Variants in PDE12 observed in about 807,000 individuals in gnomAD.
PDE12 encodes the protein 2',5'-phosphodiesterase 12.
In PDE12, 26 loss-of-function variants were observed where a neutral mutation model predicts 45.4. The ratio of observed to expected loss-of-function variants is 0.57; its 90% confidence interval spans 0.42 to 0.79. PDE12 has a LOEUF of 0.79. Ranked by LOEUF, PDE12 falls within the 30% of genes least tolerant of loss-of-function variation. The pLI, the probability that PDE12 is intolerant of heterozygous loss-of-function variation, is 0.00. For missense variants in PDE12, 668 were observed against 790.0 expected (o/e 0.85, Z 1.85); for synonymous variants, 283 against 323.9 (o/e 0.87, Z 1.36).
At chr3:57,623,280 A>C in the PDE12 span, among the ~76,000 whole-genome samples, 1 of 152,088 alleles carries the variant, frequency 6.6e-6, no homozygotes, top group Non-Finnish European at 1.5e-5. Context: ...CAAACAAAAA[A>C]CTGATTTGTT....
chr3:57,644,418 A>G, the PDE12 span, among the ~76,000 whole-genome samples: 1 of 151,048 alleles, frequency 6.6e-6, no homozygotes, highest in African/African-American at 2.4e-5. Context: ...CCATCCTCCC[A>G]CCTCAGCCTC....
At chr3:57,642,053 G>A in the PDE12 span, among the ~76,000 whole-genome samples, 9 of 152,182 alleles carry the variant, frequency 5.9e-5, no homozygotes, top group African/African-American at 1.9e-4. Flanking sequence ...GGTGATTCAC[G>A]CCTGTAATCC....
At chr3:57,583,761 A>T in the PDE12 span, 6 of 668,838 alleles carry the variant, frequency 9.0e-6, no homozygotes, top group East Asian at 1.7e-4. Context: ...GAGTCCACTG[A>T]AGAATGTGGA....
chr3:57,629,598 G>A, the PDE12 span, among the ~76,000 whole-genome samples: 11 of 137,112 alleles, frequency 8.0e-5, no homozygotes, highest in South Asian at 7.2e-4. Flanking sequence ...TGCAAGCTCC[G>A]CCTCCCGGGT....
chr3:57,573,970 C>T, the PDE12 span, among the ~76,000 whole-genome samples: 1 of 149,086 alleles, frequency 6.7e-6, no homozygotes, highest in Non-Finnish European at 1.5e-5. Flanking sequence ...GAGACGGAGT[C>T]TCGCTCTGTC....
chr3:57,587,234 G>A, the PDE12 span, among the ~76,000 whole-genome samples: 28 of 149,584 alleles, frequency 1.9e-4, no homozygotes, highest in Admixed American at 3.4e-4. Context: ...CAGGAGACTC[G>A]CTTGAACCCA....
At chr3:57,577,393 GA>G in the PDE12 span, 310,298 of 1,610,824 alleles carry the variant, frequency 0.19, 33,365 homozygotes, top group East Asian at 0.45. Context: ...AGACCCTGGG[GA>G]AAAATTGTTT....
chr3:57,579,318 T>A, the PDE12 span, among the ~76,000 whole-genome samples: 1 of 149,430 alleles, frequency 6.7e-6, no homozygotes, highest in African/African-American at 2.5e-5. Context: ...ATACTATATC[T>A]TTTTTTTCAC....
chr3:57,616,484 GA>G, the PDE12 span, among the ~76,000 whole-genome samples: 1 of 137,636 alleles, frequency 7.3e-6, no homozygotes, highest in African/African-American at 2.5e-5. Context: ...GAAGAAGAAA[GA>G]AGGAGGAAGA....
rs751539698 is a variant in PDE12 at position 57,557,510 on chromosome 3, G to A, written c.1131G>A (p.Lys377=). 1.2e-6 allele frequency: 2 copies of A among 1,614,060 alleles called. No homozygotes were observed. Among genetic ancestry groups the A allele is most frequent in the Non-Finnish European group, 8.5e-7 (1 of 1,180,020 alleles). The change falls in exon 1 of 3, where the codon AAG becomes AAA. Residue 377 remains lysine (K), a synonymous_variant. Coordinates refer to ENST00000311180, the MANE Select transcript of PDE12 (RefSeq NM_177966.7). ...GGCTCGAGGGGGTGTTTCGAATCAA[G>A]CAGCACGAAGGCCTGGCCACTTTCT... ...AFGLEGVFRI[K]QHEGLATFYR... is the part of the protein sequence containing the mutation.
the PDE12 span, among the ~76,000 whole-genome samples, chr3:57,641,468 C>T: frequency 1.7e-3 from 248 of 149,588 alleles, no homozygotes; most frequent in African/African-American, 5.6e-3. Flanking sequence ...GGTAGGAGGA[C>T]ATGACAGATT....
In PDE12 at chr3:57,561,900, GA is replaced by G; in HGVS notation, c.*1898del. 1 of 985,136 alleles carries G rather than the reference GA, an allele frequency of 1.0e-6. No homozygotes were observed. The highest frequency in any genetic ancestry group is 1.2e-6 in the Non-Finnish European group (1 of 829,692). 61.0% of individuals were successfully genotyped at this position (985,136 alleles called of 1,614,324 possible). A position where few individuals can be genotyped will look rare whatever the true frequency, so the allele number is the denominator to read the frequency against. ...GTACTCCAAGGGGAAAATTAAAGTGGAAGTTTCTTCGGATCTTGTTTAGAAA... is the reference window on the plus strand; with the variant it reads ...GTACTCCAAGGGGAAAATTAAAGTGGAGTTTCTTCGGATCTTGTTTAGAAA... On this transcript the variant is annotated 3_prime_UTR_variant, in exon 3 of 3. Coordinates refer to ENST00000311180, the MANE Select transcript of PDE12 (RefSeq NM_177966.7).
chr3:57,572,085 A>T, the PDE12 span: 1 of 686,080 alleles, frequency 1.5e-6, no homozygotes, highest in Non-Finnish European at 2.5e-6. Flanking sequence ...TGGCAACAAA[A>T]TAAGTTTAAT....
At chr3:57,596,668 G>T in the PDE12 span, 1 of 190,952 alleles carries the variant, frequency 5.2e-6, no homozygotes, top group African/African-American at 2.4e-5. Flanking sequence ...GGAAAAGGCT[G>T]GAGTTGCTCT....
chr3:57,624,148 T>G, the PDE12 span, among the ~76,000 whole-genome samples: 1 of 151,334 alleles, frequency 6.6e-6, no homozygotes, highest in African/African-American at 2.4e-5. Context: ...CCACCATGTC[T>G]GACTACTTTT....
At chr3:57,645,935 C>G in the PDE12 span, among the ~76,000 whole-genome samples, 1 of 152,154 alleles carries the variant, frequency 6.6e-6, no homozygotes, top group Non-Finnish European at 1.5e-5. Context: ...AAATGGCATA[C>G]TGAAAGAACA....
At chr3:57,582,431 CG>C in the PDE12 span, among the ~76,000 whole-genome samples, 32,824 of 151,792 alleles carry the variant, frequency 0.22, 4,367 homozygotes, top group East Asian at 0.43. Flanking sequence ...TTAGTAAAGA[CG>C]GGGTTTCACT....
the PDE12 span, among the ~76,000 whole-genome samples, chr3:57,577,671 C>T: frequency 1.3e-5 from 2 of 152,248 alleles, no homozygotes; most frequent in South Asian, 2.1e-4. Context: ...TCCCTCTGCA[C>T]TCTCACATTT....
chr3:57,562,993 G>A lies in PDE12; in HGVS notation c.*2989G>A, dbSNP rs1327503211. ...GAGAATGTCCAAAGAACACTACTGT[G>A]GAAAGTTCTTACGATGGAAATTGAC... On this transcript the variant is annotated 3_prime_UTR_variant, in exon 3 of 3. Coordinates refer to ENST00000311180, the MANE Select transcript of PDE12 (RefSeq NM_177966.7). The A allele has an allele frequency of 1.3e-5, 2 of 152,122 alleles. No homozygotes were observed. The highest frequency in any genetic ancestry group is 2.9e-5 in the Non-Finnish European group (2 of 68,028). 9.4% of individuals were successfully genotyped at this position (152,122 alleles called of 1,614,324 possible). A position where few individuals can be genotyped will look rare whatever the true frequency, so the allele number is the denominator to read the frequency against.
Sources: gnomAD v4.1 joint callset for allele counts (sites outside exome capture counted in the v4.1 genomes callset) on GRCh38, gnomAD v4.1.1 for gene constraint, MANE v1.5 for transcripts, NCBI Gene and HGNC (gene_info 2026-07-23, HGNC 2026-07-21) for gene names.